Variants in TMEM163 observed in about 807,000 individuals in gnomAD.
TMEM163 encodes the protein transmembrane protein 163.
Under a neutral mutation model 29.3 loss-of-function variants are expected in TMEM163, and 17 were observed. That is an observed-to-expected ratio of 0.58 (90% CI 0.40 to 0.87). The LOEUF is 0.87. TMEM163 is among the 40% of genes least tolerant of loss of function. TMEM163 has a pLI of 0.00. For missense variants in TMEM163, 303 were observed against 381.5 expected, an observed-to-expected ratio of 0.79 and a Z score of 1.71; for synonymous variants, 157 against 160.6, an observed-to-expected ratio of 0.98 and a Z score of 0.17.
rs1010161957 is a variant in TMEM163, at chr2:134,533,582, T to G, written c.458+16988A>C. Reference sequence around the variant, plus strand: ...AATGAGACGAATGAAAATATGTTCATTTTTAAAGAAACACAGGGCCTTCCA... The same window carrying G: ...AATGAGACGAATGAAAATATGTTCAGTTTTAAAGAAACACAGGGCCTTCCA... On this transcript the variant is annotated intron_variant, in intron 4 of 7. Coordinates refer to ENST00000281924, the MANE Select transcript of TMEM163 (RefSeq NM_030923.5). 2.6e-5 allele frequency among the ~76,000 whole-genome samples: 4 copies of G among 152,306 alleles called. No homozygotes were observed. The East Asian group carries it at 7.7e-4, about 29-fold the overall frequency.
intron 2 of TMEM163, among the ~76,000 whole-genome samples, chr2:134,605,625 G>C (rs529678132): frequency 6.6e-6 from 1 of 152,022 alleles, no homozygotes; most frequent in East Asian, 1.9e-4. Context: ...TGGAACCCGG[G>C]AGGTGAGCTG....
chr2:134,680,610 G>A (rs1684209321), intron 2 of TMEM163, among the ~76,000 whole-genome samples: 1 of 152,170 alleles, frequency 6.6e-6, no homozygotes, highest in Non-Finnish European at 1.5e-5. Context: ...CCACATTAAT[G>A]CGCAAGGTTC....
chr2:134,583,305 C>T (rs1681736478), intron 2 of TMEM163, among the ~76,000 whole-genome samples: 1 of 152,338 alleles, frequency 6.6e-6, no homozygotes, highest in East Asian at 1.9e-4. Context: ...AGAGCTGACA[C>T]ATGGACACAT....
At chr2:134,713,412 A>C in intron 1 of TMEM163, 93 bp from the exon 2 acceptor site, 1 of 1,564,442 alleles carries the variant, frequency 6.4e-7, no homozygotes, top group South Asian at 1.1e-5. Context: ...ATTGCAAACT[A>C]ACAGCCCGTG....
At position 134,460,028 on chromosome 2, in the gene TMEM163, C is replaced by T. The variant is rs930422700; in HGVS notation, c.668-1855G>A. ...AGAGGCCAAGATTCTAGGAGCCCAT[C>T]TTCCCTTACACCACCAACCTGCCCC... is the stretch of plus-strand genomic sequence containing the variant. On this transcript the variant is annotated intron_variant, in intron 6 of 7. Transcript: ENST00000281924. This position sits in a 1 kb window ranked among gnomAD's most constrained non-coding sequence, Gnocchi z 4.3. Among the ~76,000 whole-genome samples the T allele has an allele frequency of 6.6e-6, 1 of 151,778 alleles. No homozygotes were observed. Among genetic ancestry groups the T allele is most frequent in the Non-Finnish European group, 1.5e-5 (1 of 67,952 alleles).
intron 4 of TMEM163, among the ~76,000 whole-genome samples, chr2:134,537,224 C>A (rs557083689): frequency 6.6e-6 from 1 of 152,108 alleles, no homozygotes. Context: ...GGTCTACCTG[C>A]GGGAGAAAAA....
intron 2 of TMEM163, among the ~76,000 whole-genome samples, chr2:134,603,481 TC>T (rs1327340875): frequency 6.6e-6 from 1 of 152,186 alleles, no homozygotes; most frequent in Non-Finnish European, 1.5e-5. Context: ...AGACTCTCTG[TC>T]CTGGGCACGT....
chr2:134,630,682 C>T (rs1184288581), intron 2 of TMEM163, among the ~76,000 whole-genome samples: 2 of 152,178 alleles, frequency 1.3e-5, no homozygotes, highest in East Asian at 3.8e-4. Context: ...CAGCCAGGTC[C>T]TCTCCCCTGG....
At chr2:134,602,389 T>A (rs1262748226) in intron 2 of TMEM163, among the ~76,000 whole-genome samples, 1 of 152,182 alleles carries the variant, frequency 6.6e-6, no homozygotes, top group Non-Finnish European at 1.5e-5. Context: ...CAACCTCATC[T>A]TTAAGATGGT....
chr2:134,538,120 T>C (rs1680580600), intron 4 of TMEM163, among the ~76,000 whole-genome samples: 1 of 152,212 alleles, frequency 6.6e-6, no homozygotes, highest in Non-Finnish European at 1.5e-5. Flanking sequence ...TTCCAAAATT[T>C]ATATGTTAAA....
At chr2:134,559,477 T>C (rs754594389) in intron 2 of TMEM163, among the ~76,000 whole-genome samples, 9 of 152,228 alleles carry the variant, frequency 5.9e-5, no homozygotes, top group Non-Finnish European at 1.3e-4. Context: ...GAGAGCTCTT[T>C]GACTTCTACA....
intron 2 of TMEM163, among the ~76,000 whole-genome samples, chr2:134,554,605 A>G (rs1331697894): frequency 1.3e-5 from 2 of 152,086 alleles, no homozygotes; most frequent in Non-Finnish European, 2.9e-5. Flanking sequence ...CATGGCTTCA[A>G]AACAGATTTC....
chr2:134,639,326 A>G (rs1475013775), intron 2 of TMEM163, among the ~76,000 whole-genome samples: 1 of 152,218 alleles, frequency 6.6e-6, no homozygotes, highest in Non-Finnish European at 1.5e-5. Context: ...AAAGCAGATA[A>G]CTGATATATA....
At chr2:134,709,462 T>C (rs1001019830) in intron 2 of TMEM163, among the ~76,000 whole-genome samples, 9 of 152,330 alleles carry the variant, frequency 5.9e-5, no homozygotes, top group African/African-American at 2.2e-4. Flanking sequence ...GACATATGAA[T>C]GCCAACCATA....
At chr2:134,565,995 G>A (rs537143089) in intron 2 of TMEM163, among the ~76,000 whole-genome samples, 3 of 152,316 alleles carry the variant, frequency 2.0e-5, no homozygotes, top group African/African-American at 7.2e-5. Flanking sequence ...GGGAAGATGA[G>A]TGTGAGTGGT....
At chr2:134,703,326 AAACCAAT>A (rs1558997856) in intron 2 of TMEM163, among the ~76,000 whole-genome samples, 1 of 152,194 alleles carries the variant, frequency 6.6e-6, no homozygotes, top group Non-Finnish European at 1.5e-5. Flanking sequence ...CTTCAGGAAG[AAACCAAT>A]AGAATTACCT....
intron 2 of TMEM163, among the ~76,000 whole-genome samples, chr2:134,644,501 G>A (rs938798074): frequency 2.6e-5 from 4 of 151,978 alleles, no homozygotes; most frequent in African/African-American, 9.7e-5. Flanking sequence ...AATTTAAAAA[G>A]GTGGCCCCTT....
intron 1 of TMEM163, among the ~76,000 whole-genome samples, chr2:134,716,166 G>A (rs951359675): frequency 1.2e-4 from 19 of 152,134 alleles, no homozygotes; most frequent in African/African-American, 3.9e-4. Context: ...CTAAGGTTAC[G>A]GACAGAATGA....
At chr2:134,535,969 C>T (rs1428163917) in intron 4 of TMEM163, among the ~76,000 whole-genome samples, 9 of 152,086 alleles carry the variant, frequency 5.9e-5, no homozygotes, top group African/African-American at 1.9e-4. Context: ...GTGATCTGCC[C>T]GCCTCAGCCT....
Sources: allele counts gnomAD v4.1 joint callset (sites outside exome capture counted in the v4.1 genomes callset), GRCh38; gene constraint gnomAD v4.1.1; non-coding constraint Gnocchi (gnomAD v3.1); transcripts MANE v1.5; gene names NCBI Gene and HGNC (gene_info 2026-07-23, HGNC 2026-07-21).